RNF115: variants seen among roughly 807,000 people sequenced by gnomAD.
RNF115 encodes ring finger protein 115.
RNF115 carries 31 observed loss-of-function variants against 39.2 expected under a neutral mutation model. The observed-to-expected ratio is 0.79, with a 90% CI of 0.59 to 1.07. The LOEUF (loss-of-function observed/expected upper bound fraction) is 1.07. Among genes scored for constraint, RNF115 ranks in the 50% least tolerant of loss-of-function variants. The pLI is 0.00. For missense variants in RNF115, 384 were observed against 381.7 expected, an observed-to-expected ratio of 1.01 and a Z score of -0.05; for synonymous variants, 124 against 131.0, an observed-to-expected ratio of 0.95 and a Z score of 0.37.
chr1:145,780,958 T>C (rs782661636), intron 3 of RNF115, among the ~76,000 whole-genome samples: 1 of 152,170 alleles, frequency 6.6e-6, no homozygotes. Flanking sequence ...CAGGTAGCTA[T>C]GGGGCTCACT....
chr1:145,774,564 T>C (rs1553716252), intron 3 of RNF115, among the ~76,000 whole-genome samples: 1 of 152,142 alleles, frequency 6.6e-6, no homozygotes, highest in African/African-American at 2.4e-5. Flanking sequence ...TTGGCCAGGC[T>C]GGTCTCAAAC....
At chr1:145,768,980 A>C (rs587751919) in intron 4 of RNF115, among the ~76,000 whole-genome samples, 2 of 152,334 alleles carry the variant, frequency 1.3e-5, no homozygotes, top group Admixed American at 1.3e-4. Flanking sequence ...TTCAAGTTCT[A>C]TTTACTGATA....
chr1:145,773,925 TG>T (rs1647763493), intron 3 of RNF115: 1 of 152,084 alleles, frequency 6.6e-6, no homozygotes, highest in Non-Finnish European at 1.5e-5. Context: ...GGCACCAGCA[TG>T]GGGAACACAG....
In RNF115 at chr1:145,795,016, CAAAA is replaced by C. The variant is rs782249648; in HGVS notation, c.103-6054_103-6051del. 5.1e-5 allele frequency among the ~76,000 whole-genome samples: 4 copies of C among 78,296 alleles called. No individual in the cohort carries two copies. The South Asian group carries it at 2.0e-3, about 38-fold the overall frequency. The allele number at this position is 78,296 out of a possible 152,430, so 51.4% of individuals were successfully genotyped here. On this transcript the variant is annotated intron_variant, in intron 1 of 8. Transcript: ENST00000582693. ...TGGGTGACAGAGCGAGACTCCATTT[CAAAA>C]AAAAAAAAAAAAAAAAAGATAGTGT...
Position 145,748,027 on chromosome 1 carries a change from G to A in RNF115, c.751C>T (p.His251Tyr). 1 of 1,613,684 alleles carries A rather than the reference G, an allele frequency of 6.2e-7. No individual in the cohort carries two copies. The highest frequency in any genetic ancestry group is 8.5e-7 in the Non-Finnish European group (1 of 1,179,630). Residue 251 changes from histidine to tyrosine, a missense_variant, in exon 8 of 9, where the codon CAC becomes TAC. Physicochemically the swap from His to Tyr is moderately conservative, Grantham distance 83. Coordinates refer to ENST00000582693, the MANE Select transcript of RNF115 (RefSeq NM_014455.4). ...VRQLPCNHFF[H>Y]SSCIVPWLEL... ...AGCCACGGCACAATACAACTGCTGT[G>A]AAAGAAGTGATTGCAAGGTAACTGC...
Position 145,802,080 on chromosome 1 carries a change from G to A in RNF115, c.103-13114C>T, listed in dbSNP as rs587757588. ...TGGGATTACAGGCGTGAGCCACCACGCCCAGCCGAGTCATTTCTATCATCC... is the reference window on the plus strand; with the variant it reads ...TGGGATTACAGGCGTGAGCCACCACACCCAGCCGAGTCATTTCTATCATCC... On this transcript the variant is annotated intron_variant, in intron 1 of 8. Coordinates refer to ENST00000582693, the MANE Select transcript of RNF115 (RefSeq NM_014455.4). 4.9e-3 allele frequency among the ~76,000 whole-genome samples: 746 copies of A among 152,182 alleles called. 1 individual carries two copies. Among genetic ancestry groups the A allele is most frequent in the Non-Finnish European group, 7.9e-3 (540 of 68,000 alleles).
intron 4 of RNF115, among the ~76,000 whole-genome samples, chr1:145,754,216 T>C (rs185574705): frequency 3.9e-5 from 6 of 152,332 alleles, no homozygotes; most frequent in South Asian, 2.1e-4. Context: ...GTATATAACA[T>C]ATTTTGAAAT....
At chr1:145,799,115 T>A (rs977575787) in intron 1 of RNF115, among the ~76,000 whole-genome samples, 9 of 151,772 alleles carry the variant, frequency 5.9e-5, no homozygotes, top group Non-Finnish European at 1.3e-4. Context: ...GTCACCAGGC[T>A]GGGGTGCAGT....
chr1:145,788,473 G>C (rs1159385254), intron 2 of RNF115, among the ~76,000 whole-genome samples: 2 of 152,178 alleles, frequency 1.3e-5, no homozygotes, highest in African/African-American at 4.8e-5. Context: ...TACCTGATTA[G>C]GTATCTTTGT....
intron 4 of RNF115, among the ~76,000 whole-genome samples, chr1:145,762,645 T>G (rs1474258052): frequency 6.6e-6 from 1 of 152,074 alleles, no homozygotes; most frequent in Non-Finnish European, 1.5e-5. Flanking sequence ...TAAGGCTGTC[T>G]TTTTATTCCA....
chr1:145,786,574 C>T (rs1270503648), intron 2 of RNF115, among the ~76,000 whole-genome samples: 1 of 152,176 alleles, frequency 6.6e-6, no homozygotes, highest in Non-Finnish European at 1.5e-5. Flanking sequence ...ATCCACAGTT[C>T]CCTGCTAGAC....
intron 3 of RNF115, among the ~76,000 whole-genome samples, chr1:145,781,821 T>TG (rs1648159740): frequency 6.6e-6 from 1 of 152,024 alleles, no homozygotes; most frequent in Non-Finnish European, 1.5e-5. Context: ...CTCAAGACCC[T>TG]GGCCCACCTT....
intron 3 of RNF115, among the ~76,000 whole-genome samples, chr1:145,774,007 G>C (rs1470458016): frequency 6.6e-6 from 1 of 152,120 alleles, no homozygotes; most frequent in African/African-American, 2.4e-5. Flanking sequence ...ATGCCACAAA[G>C]ATCTCTTACC....
intron 1 of RNF115, among the ~76,000 whole-genome samples, chr1:145,802,404 G>A (rs143336706): frequency 3.3e-5 from 5 of 152,226 alleles, no homozygotes; most frequent in East Asian, 1.9e-4. Context: ...TTTGCCTCCC[G>A]TATTTCAAAG....
intron 3 of RNF115, among the ~76,000 whole-genome samples, chr1:145,782,499 T>C (rs1553717562): frequency 6.6e-6 from 1 of 152,176 alleles, no homozygotes; most frequent in Non-Finnish European, 1.5e-5. Flanking sequence ...TAAAAATCCC[T>C]GGCAACATCT....
At chr1:145,760,370 C>T (rs1658452612) in intron 4 of RNF115, among the ~76,000 whole-genome samples, 1 of 152,144 alleles carries the variant, frequency 6.6e-6, no homozygotes, top group Non-Finnish European at 1.5e-5. Flanking sequence ...TAAGAAACCT[C>T]CCCTAGATGG....
chr1:145,753,002 G>A lies in RNF115; in HGVS notation c.476C>T (p.Pro159Leu), dbSNP rs1449467780. The A allele has an allele frequency of 1.9e-5, 30 of 1,611,060 alleles. No individual in the cohort carries two copies. Among genetic ancestry groups the A allele is most frequent in the Admixed American group, 3.3e-5 (2 of 59,986 alleles). The change falls in exon 5 of 9, where the codon CCT becomes CTT. Residue 159 changes from proline to leucine, a missense_variant. Physicochemically the swap from Pro to Leu is moderately conservative, Grantham distance 98. Transcript: ENST00000582693. ...CCAGGAAAAAGGGTGTGGAGATCCA[G>A]GAATGGCAGAATTTGCAAAGAATCC... ...FAGFFANSAI[P>L]GSPHPFSWSG... is the part of the protein sequence containing the mutation.
intron 1 of RNF115, among the ~76,000 whole-genome samples, chr1:145,819,200 C>G (rs1650120325): frequency 1.4e-5 from 2 of 139,432 alleles, no homozygotes; most frequent in South Asian, 4.9e-4. Context: ...CTTTGGGAGG[C>G]AAAGGCAGGC....
chr1:145,794,865 A>G (rs1465397525), intron 1 of RNF115, among the ~76,000 whole-genome samples: 1 of 151,688 alleles, frequency 6.6e-6, no homozygotes, highest in Non-Finnish European at 1.5e-5. Context: ...AAAATACAAA[A>G]AATTAGCCGT....
Sources: allele counts gnomAD v4.1 joint callset (sites outside exome capture counted in the v4.1 genomes callset), GRCh38; gene constraint gnomAD v4.1.1; transcripts MANE v1.5; gene names NCBI Gene and HGNC (gene_info 2026-07-23, HGNC 2026-07-21).